Variants in COMMD10 observed in about 807,000 individuals in gnomAD.
COMMD10 encodes the protein COMM domain containing 10.
COMMD10 carries 33 observed loss-of-function variants against 28.9 expected under a neutral mutation model. That is an observed-to-expected ratio of 1.14 (90% CI 0.87 to 1.53). COMMD10 has a LOEUF of 1.53. COMMD10 is among the 40% of genes most tolerant of loss of function. The pLI, the probability that COMMD10 is intolerant of heterozygous loss-of-function variation, is 0.00. For synonymous variants in COMMD10, 110 were observed against 81.7 expected (o/e 1.35, Z -1.87); for missense variants, 310 against 233.4 (o/e 1.33, Z -2.14).
In COMMD10 at chr5:116,285,242, A is replaced by G. The variant is rs180778937; in HGVS notation, c.511-6275A>G. Among the ~76,000 whole-genome samples, 12 of 152,088 alleles carry G rather than the reference A, an allele frequency of 7.9e-5. No individual in the cohort carries two copies. In the East Asian group the frequency reaches 2.1e-3, roughly 27 times the overall value. On this transcript the variant is annotated intron_variant, in intron 5 of 6. Transcript: ENST00000274458. Reference sequence around the variant, plus strand: ...ATTTAAAAAGCTACCGAACTCTTAAATGTGCTCTATACTCCTTACTTGATA... The same window carrying G: ...ATTTAAAAAGCTACCGAACTCTTAAGTGTGCTCTATACTCCTTACTTGATA...
chr5:116,205,634 GTGTGTATATGTTTTTA>G (rs1172406759), intron 5 of COMMD10, among the ~76,000 whole-genome samples: 1 of 152,020 alleles, frequency 6.6e-6, no homozygotes, highest in African/African-American at 2.4e-5. Context: ...GTATGTTTTT[GTGTGTATATGTTTTTA>G]TGTGTATCTG....
intron 4 of COMMD10, among the ~76,000 whole-genome samples, chr5:116,119,562 A>C (rs568484306): frequency 6.6e-6 from 1 of 151,842 alleles, no homozygotes; most frequent in South Asian, 2.1e-4. Context: ...TATAGGTTAT[A>C]TATTGTATAC....
chr5:116,085,886 C>T (rs1364195616), intron 1 of COMMD10, among the ~76,000 whole-genome samples: 2 of 152,212 alleles, frequency 1.3e-5, no homozygotes, highest in African/African-American at 2.4e-5. Flanking sequence ...AAAGTTTTTC[C>T]TTCTTTCTGG....
At chr5:116,246,104 G>C (rs978420995) in intron 5 of COMMD10, among the ~76,000 whole-genome samples, 1 of 152,012 alleles carries the variant, frequency 6.6e-6, no homozygotes, top group Non-Finnish European at 1.5e-5. Flanking sequence ...TCAGCCAAAA[G>C]CTTCTTAAGC....
intron 5 of COMMD10, among the ~76,000 whole-genome samples, chr5:116,172,142 T>C (rs1463175812): frequency 6.6e-6 from 1 of 152,134 alleles, no homozygotes; most frequent in Non-Finnish European, 1.5e-5. Flanking sequence ...ATAGTACATA[T>C]GGTAAACTGT....
chr5:116,086,541 C>G (rs1750104742), intron 1 of COMMD10, among the ~76,000 whole-genome samples: 2 of 152,062 alleles, frequency 1.3e-5, no homozygotes, highest in Admixed American at 6.5e-5. Flanking sequence ...TCACTGCAGC[C>G]TCCGCCTCCT....
intron 4 of COMMD10, among the ~76,000 whole-genome samples, chr5:116,129,779 AG>A (rs1357903396): frequency 1.1e-5 from 1 of 92,794 alleles, no homozygotes; most frequent in Non-Finnish European, 2.8e-5. Context: ...AATATACATT[AG>A]TATATATATA....
chr5:116,198,939 G>A (rs888943854), intron 5 of COMMD10, among the ~76,000 whole-genome samples: 3 of 152,100 alleles, frequency 2.0e-5, no homozygotes, highest in African/African-American at 7.2e-5. Context: ...ATTTTTGTAT[G>A]CACGTAAGTC....
intron 5 of COMMD10, among the ~76,000 whole-genome samples, chr5:116,254,885 A>G (rs577587042): frequency 1.9e-4 from 29 of 151,188 alleles, no homozygotes; most frequent in South Asian, 4.2e-4. Flanking sequence ...TCTGTCTAAT[A>G]TTGACAGTGG....
intron 5 of COMMD10, among the ~76,000 whole-genome samples, chr5:116,134,729 C>T (rs1427703732): frequency 6.6e-6 from 1 of 152,164 alleles, no homozygotes; most frequent in African/African-American, 2.4e-5. Flanking sequence ...TCACGCCATT[C>T]TCCTGCCTCA....
intron 5 of COMMD10, among the ~76,000 whole-genome samples, chr5:116,206,657 A>C (rs940522379): frequency 2.6e-5 from 4 of 152,156 alleles, no homozygotes; most frequent in African/African-American, 9.7e-5. Context: ...CATCTCAAAA[A>C]AAGAAAAAAA....
intron 5 of COMMD10, among the ~76,000 whole-genome samples, chr5:116,255,399 G>A (rs1053312834): frequency 6.6e-6 from 1 of 151,606 alleles, no homozygotes; most frequent in South Asian, 2.1e-4. Flanking sequence ...AGTCTTGATG[G>A]TCGTTACATT....
chr5:116,269,480 T>A (rs569790778), intron 5 of COMMD10, among the ~76,000 whole-genome samples: 2 of 151,954 alleles, frequency 1.3e-5, no homozygotes, highest in Non-Finnish European at 2.9e-5. Flanking sequence ...GGTAGTAAAA[T>A]AAAAAATCTT....
intron 4 of COMMD10, among the ~76,000 whole-genome samples, chr5:116,102,888 G>C (rs1379718785): frequency 6.6e-6 from 1 of 151,712 alleles, no homozygotes; most frequent in Non-Finnish European, 1.5e-5. Flanking sequence ...TCATTGTTCA[G>C]CACCCCCTTA....
chr5:116,224,761 A>T (rs987066739), intron 5 of COMMD10, among the ~76,000 whole-genome samples: 5 of 152,166 alleles, frequency 3.3e-5, no homozygotes, highest in African/African-American at 1.2e-4. Context: ...TTCAAACCGT[A>T]TCACCCGGGA....
At chr5:116,289,635 T>C (rs1751313505) in intron 5 of COMMD10, among the ~76,000 whole-genome samples, 1 of 151,930 alleles carries the variant, frequency 6.6e-6, no homozygotes, top group South Asian at 2.1e-4. Context: ...TGGTTCATTC[T>C]TTTATTTCTG....
chr5:116,284,671 T>A (rs1046129972), intron 5 of COMMD10, among the ~76,000 whole-genome samples: 5 of 151,944 alleles, frequency 3.3e-5, no homozygotes, highest in African/African-American at 1.2e-4. Flanking sequence ...AGTTTCTACA[T>A]TTTCCACCAT....
At chr5:116,178,144 A>G (rs1441496935) in intron 5 of COMMD10, among the ~76,000 whole-genome samples, 1 of 152,144 alleles carries the variant, frequency 6.6e-6, no homozygotes, top group Non-Finnish European at 1.5e-5. Context: ...GTTAGAGATA[A>G]GGAAAGTAAG....
At chr5:116,164,159 A>C (rs1364866994) in intron 5 of COMMD10, among the ~76,000 whole-genome samples, 1 of 152,088 alleles carries the variant, frequency 6.6e-6, no homozygotes, top group Non-Finnish European at 1.5e-5. Flanking sequence ...TCTACTAAGA[A>C]TACAAAAGAA....
Sources: allele counts gnomAD v4.1 joint callset (sites outside exome capture counted in the v4.1 genomes callset), GRCh38; gene constraint gnomAD v4.1.1; transcripts MANE v1.5; gene names NCBI Gene and HGNC (gene_info 2026-07-23, HGNC 2026-07-21).